MYO3A: variants seen among roughly 807,000 people sequenced by gnomAD.
MYO3A encodes the protein myosin IIIA, also known as myosin-IIIa.
Under a neutral mutation model 192.7 loss-of-function variants are expected in MYO3A, and 180 were observed. That is an observed-to-expected ratio of 0.93 (90% CI 0.83 to 1.06). MYO3A has a LOEUF of 1.06. Among genes scored for constraint, MYO3A ranks in the 50% least tolerant of loss-of-function variants. The pLI is 0.00. For synonymous variants in MYO3A, 628 were observed against 645.3 expected (o/e 0.97, Z 0.41); for missense variants, 1,896 against 1,905.0 (o/e 1.00, Z 0.09).
intron 26 of MYO3A, among the ~76,000 whole-genome samples, chr10:26,157,877 GA>G (rs1841238975): frequency 6.6e-6 from 1 of 152,172 alleles, no homozygotes; most frequent in African/African-American, 2.4e-5. Flanking sequence ...GCAATGTCTG[GA>G]GACATTTCTG....
At chr10:26,041,338 T>TTTGTTG (rs140583410) in intron 10 of MYO3A, among the ~76,000 whole-genome samples, 9,536 of 151,612 alleles carry the variant, frequency 0.063, 366 homozygotes, top group Non-Finnish European at 0.088. Flanking sequence ...AGTTTGGGTT[T>TTTGTTG]TTGTTGTTGT....
At position 26,201,247 on chromosome 10, in the gene MYO3A, A is replaced by AAT. The variant is rs1353207070; in HGVS notation, c.4546-17_4546-16dup. 1 of 1,467,426 alleles carries AAT rather than the reference A, an allele frequency of 6.8e-7. No homozygotes were observed. Among genetic ancestry groups the AAT allele is most frequent in the Non-Finnish European group, 9.4e-7 (1 of 1,068,554 alleles). 90.9% of individuals were successfully genotyped at this position (1,467,426 alleles called of 1,614,324 possible). ...ATCATAATATTATATAGATCTTTTG[A>AAT]ATTCTTCTTTCCTTTAGAAGTCAAT... On this transcript the variant is annotated splice_polypyrimidine_tract_variant and intron_variant, in intron 32 of 34. Coordinates refer to ENST00000642920, the MANE Select transcript of MYO3A (RefSeq NM_017433.5).
intron 14 of MYO3A, among the ~76,000 whole-genome samples, chr10:26,083,689 G>A (rs966814704): frequency 5.3e-5 from 8 of 152,128 alleles, no homozygotes; most frequent in African/African-American, 1.9e-4. Context: ...ACTGTTGAGA[G>A]TCCACATCAA....
chr10:26,158,520 G>T (rs1841290202), intron 26 of MYO3A, among the ~76,000 whole-genome samples: 1 of 152,074 alleles, frequency 6.6e-6, no homozygotes, highest in Non-Finnish European at 1.5e-5. Context: ...CTCCCAAAGT[G>T]CTAGGATTAC....
chr10:26,207,135 T>G (rs1395996938), intron 34 of MYO3A, among the ~76,000 whole-genome samples: 1 of 152,018 alleles, frequency 6.6e-6, no homozygotes, highest in Non-Finnish European at 1.5e-5. Flanking sequence ...ACTAGATGCA[T>G]AGTTTGCAAA....
chr10:26,007,823 A>G (rs1452232761), intron 6 of MYO3A, among the ~76,000 whole-genome samples: 1 of 151,730 alleles, frequency 6.6e-6, no homozygotes, highest in Non-Finnish European at 1.5e-5. Context: ...TAATTTATAG[A>G]TTCATTGCCA....
chr10:26,104,214 G>GT (rs1190471383), intron 17 of MYO3A, among the ~76,000 whole-genome samples: 1 of 151,890 alleles, frequency 6.6e-6, no homozygotes, highest in East Asian at 1.9e-4. Flanking sequence ...CAGTTTATCT[G>GT]TTTTTTCTTT....
At chr10:25,973,768 C>T (rs545757224) in intron 4 of MYO3A, among the ~76,000 whole-genome samples, 1 of 152,040 alleles carries the variant, frequency 6.6e-6, no homozygotes, top group African/African-American at 2.4e-5. Context: ...ACAGAACAGA[C>T]ACCTAAGAAA....
chr10:26,040,149 A>G (rs1843263874), intron 10 of MYO3A, among the ~76,000 whole-genome samples: 1 of 150,008 alleles, frequency 6.7e-6, no homozygotes, highest in Admixed American at 6.6e-5. Flanking sequence ...GTTGTTTAGT[A>G]TCATATTGGT....
intron 32 of MYO3A, among the ~76,000 whole-genome samples, chr10:26,195,259 C>A (rs528065689): frequency 6.6e-6 from 1 of 152,134 alleles, no homozygotes; most frequent in Admixed American, 6.6e-5. Flanking sequence ...ACTTCTCCCT[C>A]GTTCTCATCT....
chr10:26,015,633 G>T (rs1841945534), intron 6 of MYO3A, among the ~76,000 whole-genome samples: 1 of 152,110 alleles, frequency 6.6e-6, no homozygotes, highest in Non-Finnish European at 1.5e-5. Context: ...CTAGTTTTGT[G>T]TTAGTTTAAT....
chr10:26,058,153 C>T (rs567314375), intron 10 of MYO3A, among the ~76,000 whole-genome samples: 22 of 152,336 alleles, frequency 1.4e-4, no homozygotes, highest in African/African-American at 5.3e-4. Flanking sequence ...CTCTCTGTGT[C>T]CTCTAATTTG....
intron 3 of MYO3A, among the ~76,000 whole-genome samples, chr10:25,954,429 T>A (rs549477103): frequency 1.5e-4 from 23 of 152,202 alleles, no homozygotes; most frequent in African/African-American, 5.1e-4. Flanking sequence ...GGGAATTTAT[T>A]GTTTGTATGA....
chr10:25,969,156 C>T (rs1838459392), intron 4 of MYO3A, among the ~76,000 whole-genome samples: 4 of 152,216 alleles, frequency 2.6e-5, no homozygotes, highest in South Asian at 4.1e-4. Context: ...TGGCTTGAAC[C>T]CGGGAGGCGG....
At chr10:26,207,873 A>G (rs942168550) in intron 34 of MYO3A, among the ~76,000 whole-genome samples, 3 of 152,280 alleles carry the variant, frequency 2.0e-5, no homozygotes, top group East Asian at 1.9e-4. Context: ...TAGTATGAGC[A>G]TTTTACCAAT....
intron 17 of MYO3A, among the ~76,000 whole-genome samples, chr10:26,105,078 C>T (rs995678436): frequency 6.6e-6 from 1 of 152,128 alleles, no homozygotes; most frequent in Non-Finnish European, 1.5e-5. Flanking sequence ...TAATGTTCCA[C>T]AGTGTGTACT....
Position 26,171,359 on chromosome 10 carries a change from G to A in MYO3A, c.3398+820G>A, listed in dbSNP as rs552755320. On this transcript the variant is annotated intron_variant, in intron 29 of 34. Coordinates refer to ENST00000642920, the MANE Select transcript of MYO3A (RefSeq NM_017433.5). ...GTGAAGGAATGAAATAGAAGAAGAGGTGGCTTCCTAGCTTCCTTCTTTCCC... is the reference window on the plus strand; with the variant it reads ...GTGAAGGAATGAAATAGAAGAAGAGATGGCTTCCTAGCTTCCTTCTTTCCC... Among the ~76,000 whole-genome samples, 5 of 151,892 alleles carry A rather than the reference G, an allele frequency of 3.3e-5. No individual in the cohort carries two copies. In the South Asian group the frequency reaches 8.3e-4, roughly 25 times the overall value.
At chr10:25,948,080 G>A (rs1018031047) in intron 2 of MYO3A, among the ~76,000 whole-genome samples, 4 of 152,240 alleles carry the variant, frequency 2.6e-5, no homozygotes, top group African/African-American at 9.6e-5. Flanking sequence ...TATTGGGGAG[G>A]TGATGGCTGA....
At chr10:26,012,418 C>G (rs1260817514) in intron 6 of MYO3A, among the ~76,000 whole-genome samples, 1 of 152,062 alleles carries the variant, frequency 6.6e-6, no homozygotes, top group African/African-American at 2.4e-5. Flanking sequence ...TCAATATACA[C>G]AAATCAGTAG....
Sources: gnomAD v4.1 joint callset for allele counts (sites outside exome capture counted in the v4.1 genomes callset) on GRCh38, gnomAD v4.1.1 for gene constraint, MANE v1.5 for transcripts, NCBI Gene and HGNC (gene_info 2026-07-23, HGNC 2026-07-21) for gene names.